Variants in ITPK1 observed in about 807,000 individuals in gnomAD.
ITPK1 encodes inositol 1,3,4-trisphosphate 5/6-kinase.
Under a neutral mutation model 45.3 loss-of-function variants are expected in ITPK1, and 21 were observed. The ratio of observed to expected loss-of-function variants is 0.46; its 90% CI spans 0.33 to 0.67. ITPK1 has a LOEUF of 0.67. Among genes scored for constraint, ITPK1 ranks in the 30% least tolerant of loss-of-function variants. The probability of loss-of-function intolerance (pLI) is 0.02; values close to 1 mark genes in which losing one functional copy is unlikely to be tolerated. For synonymous variants in ITPK1, 258 were observed against 253.6 expected (o/e 1.02, Z -0.16); for missense variants, 474 against 573.5 (o/e 0.83, Z 1.77).
At chr14:92,953,389 C>T (rs1194615562) in intron 8 of ITPK1, among the ~76,000 whole-genome samples, 1 of 152,236 alleles carries the variant, frequency 6.6e-6, no homozygotes, top group African/African-American at 2.4e-5. Context: ...AATAAACACC[C>T]CGCAGGACAT....
chr14:92,980,373 G>A (rs1886162945), intron 5 of ITPK1, among the ~76,000 whole-genome samples: 1 of 152,224 alleles, frequency 6.6e-6, no homozygotes. Flanking sequence ...GAAAGGTGGA[G>A]GGCTCTGGCC....
intron 2 of ITPK1, among the ~76,000 whole-genome samples, chr14:93,095,188 TACC>T (rs769094249): frequency 2.6e-5 from 4 of 152,030 alleles, no homozygotes; most frequent in East Asian, 1.9e-4. Flanking sequence ...ACCACCTACA[TACC>T]ACCACCACCA....
intron 3 of ITPK1, among the ~76,000 whole-genome samples, chr14:93,058,241 T>C (rs1042690561): frequency 2.0e-5 from 3 of 151,084 alleles, no homozygotes; most frequent in African/African-American, 7.3e-5. Flanking sequence ...CAGGGGCATC[T>C]GGGAGGGCCA....
chr14:93,031,976 G>A (rs542185170), intron 3 of ITPK1, among the ~76,000 whole-genome samples: 1 of 152,320 alleles, frequency 6.6e-6, no homozygotes, highest in African/African-American at 2.4e-5. Flanking sequence ...CCCTGAAGCT[G>A]TACTCTTTCT....
At chr14:93,111,039 C>T (rs1016866901) in intron 2 of ITPK1, among the ~76,000 whole-genome samples, 3 of 151,862 alleles carry the variant, frequency 2.0e-5, no homozygotes, top group Admixed American at 2.0e-4. Flanking sequence ...TCCCTCATCC[C>T]TCCATCCCTC....
intron 5 of ITPK1, among the ~76,000 whole-genome samples, chr14:92,965,128 A>G (rs912536111): frequency 6.6e-6 from 1 of 152,178 alleles, no homozygotes; most frequent in African/African-American, 2.4e-5. Context: ...CCTCGCAGAA[A>G]AAGTGCCCAT....
At chr14:92,953,247 G>A (rs748736211) in intron 8 of ITPK1, among the ~76,000 whole-genome samples, 21 of 152,378 alleles carry the variant, frequency 1.4e-4, no homozygotes, top group East Asian at 9.6e-4. Flanking sequence ...AGATGTACCC[G>A]GCGTCCCTCC....
intron 3 of ITPK1, among the ~76,000 whole-genome samples, chr14:93,052,122 GC>G (rs1890040576): frequency 6.6e-6 from 1 of 152,184 alleles, no homozygotes; most frequent in Admixed American, 6.5e-5. Context: ...CCAAATCCCA[GC>G]TCTGCCATTT....
chr14:93,079,912 C>T (rs976199904), intron 2 of ITPK1, among the ~76,000 whole-genome samples: 11 of 152,182 alleles, frequency 7.2e-5, no homozygotes, highest in African/African-American at 2.7e-4. Context: ...ACCTCATCAC[C>T]CCACAGACAG....
At chr14:92,994,932 T>C (rs916459562) in intron 4 of ITPK1, among the ~76,000 whole-genome samples, 3 of 152,178 alleles carry the variant, frequency 2.0e-5, no homozygotes, top group Non-Finnish European at 2.9e-5. Flanking sequence ...ACCATATGGG[T>C]GGGCCTGAAT....
At chr14:93,053,812 G>A (rs578050088) in intron 3 of ITPK1, among the ~76,000 whole-genome samples, 2 of 152,306 alleles carry the variant, frequency 1.3e-5, no homozygotes, top group South Asian at 4.2e-4. Flanking sequence ...CTAAAATAGA[G>A]TCTATTAAAA....
Position 92,940,135 on chromosome 14 carries a change from G to A in ITPK1, c.*1426C>T. The A allele has an allele frequency of 1.0e-6, 1 of 985,790 alleles. No homozygotes were observed. Among genetic ancestry groups the A allele is most frequent in the Non-Finnish European group, 1.2e-6 (1 of 830,068 alleles). The allele number at this position is 985,790 out of a possible 1,614,324, so 61.1% of individuals were successfully genotyped here. A position where few individuals can be genotyped will look rare whatever the true frequency, so the allele number is the denominator to read the frequency against. ...GCAGCCCAGCTGAGCCAGGCCGAAG[G>A]ACCTCCATGCACTGGCTCGGGGGCC... On this transcript the variant is annotated 3_prime_UTR_variant, in exon 11 of 11. Coordinates refer to ENST00000267615, the MANE Select transcript of ITPK1 (RefSeq NM_014216.6).
intron 2 of ITPK1, among the ~76,000 whole-genome samples, chr14:93,108,742 G>C (rs1273731201): frequency 6.6e-6 from 1 of 152,250 alleles, no homozygotes; most frequent in Non-Finnish European, 1.5e-5. Flanking sequence ...GCTGGGCGTA[G>C]TGGCTCACAC....
In ITPK1 at chr14:92,941,557, G is replaced by A. The variant is rs567400363; in HGVS notation, c.*4C>T. The A allele has an allele frequency of 5.5e-5, 84 of 1,528,314 alleles. No individual in the cohort carries two copies. The highest frequency in any genetic ancestry group is 4.1e-4 in the Admixed American group (19 of 46,214). The allele number at this position is 1,528,314 out of a possible 1,614,324, so 94.7% of individuals were successfully genotyped here. Reference sequence around the variant, plus strand: ...CGCTGCCCCTCTGGGTCCCGGCTCCGTGGCTACTGGGAGGAGGCCTTGGTG... The same window carrying A: ...CGCTGCCCCTCTGGGTCCCGGCTCCATGGCTACTGGGAGGAGGCCTTGGTG... On this transcript the variant is annotated 3_prime_UTR_variant, in exon 11 of 11. Transcript: ENST00000267615.
In ITPK1 at chr14:93,036,188, G is replaced by A. The variant is rs1204036589; in HGVS notation, c.121-19387C>T. Among the ~76,000 whole-genome samples the A allele has an allele frequency of 6.6e-6, 1 of 152,138 alleles. No homozygotes were observed. The highest frequency in any genetic ancestry group is 1.5e-5 in the Non-Finnish European group (1 of 68,022). On this transcript the variant is annotated intron_variant, in intron 3 of 10. Coordinates refer to ENST00000267615, the MANE Select transcript of ITPK1 (RefSeq NM_014216.6). This position sits in a 1 kb window ranked among gnomAD's most constrained non-coding sequence, Gnocchi z 4.1. The stretch of plus-strand genomic sequence containing the variant: ...TCGGTAACTTCAAGAGCTGCGGGGA[G>A]CAGAGGCCACAACCGGAGGGACACT...
intron 3 of ITPK1, among the ~76,000 whole-genome samples, chr14:93,018,051 C>T (rs973222546): frequency 6.6e-6 from 1 of 152,214 alleles, no homozygotes; most frequent in Admixed American, 6.5e-5. Flanking sequence ...ACCCCGCTCC[C>T]CACGCCTGCT....
chr14:92,952,094 C>G, intron 8 of ITPK1, 81 bp from the exon 9 acceptor site: 1 of 1,138,732 alleles, frequency 8.8e-7, no homozygotes, highest in Non-Finnish European at 1.3e-6. Context: ...CAGGGGGCAG[C>G]ATCACCCCAG....
chr14:93,099,028 C>G (rs1459119545), intron 2 of ITPK1, among the ~76,000 whole-genome samples: 1 of 152,198 alleles, frequency 6.6e-6, no homozygotes, highest in Non-Finnish European at 1.5e-5. Flanking sequence ...GCCCGGGGCC[C>G]TCGGAACTGG....
chr14:93,033,622 C>T (rs1490964386), intron 3 of ITPK1, among the ~76,000 whole-genome samples: 5 of 152,138 alleles, frequency 3.3e-5, no homozygotes, highest in African/African-American at 1.2e-4. Flanking sequence ...AACCAAACAG[C>T]ACTTCATGGA....
Sources: allele counts gnomAD v4.1 joint callset (sites outside exome capture counted in the v4.1 genomes callset), GRCh38; gene constraint gnomAD v4.1.1; non-coding constraint Gnocchi (gnomAD v3.1); transcripts MANE v1.5; gene names NCBI Gene and HGNC (gene_info 2026-07-23, HGNC 2026-07-21).